Variants in NIBAN1 observed in about 807,000 individuals in gnomAD.
The protein encoded by NIBAN1 is protein Niban 1.
Under a neutral mutation model 75.1 loss-of-function variants are expected in NIBAN1, and 81 were observed. That is an observed-to-expected ratio of 1.08 (90% CI 0.90 to 1.30). The LOEUF (loss-of-function observed/expected upper bound fraction) is 1.30. Among genes scored for constraint, NIBAN1 ranks in the 50% most tolerant of loss-of-function variants. The probability of loss-of-function intolerance (pLI) is 0.00; values close to 1 mark genes in which losing one functional copy is unlikely to be tolerated. For synonymous variants in NIBAN1, 436 were observed against 424.8 expected, an observed-to-expected ratio of 1.03 and a Z score of -0.32; for missense variants, 1,133 against 1,128.1, an observed-to-expected ratio of 1.00 and a Z score of -0.06.
intron 5 of NIBAN1, among the ~76,000 whole-genome samples, chr1:184,858,274 A>C (rs931453417): frequency 1.3e-5 from 2 of 152,158 alleles, no homozygotes; most frequent in African/African-American, 4.8e-5. Context: ...AATGACAATG[A>C]AAAGATATAA....
chr1:184,912,367 G>T (rs1003281141), intron 1 of NIBAN1, among the ~76,000 whole-genome samples: 5 of 152,120 alleles, frequency 3.3e-5, no homozygotes, highest in Non-Finnish European at 7.4e-5. Flanking sequence ...TCTACTGCGT[G>T]TGTTAAGAAT....
At chr1:184,833,677 G>C (rs1301628941) in intron 5 of NIBAN1, among the ~76,000 whole-genome samples, 1 of 151,924 alleles carries the variant, frequency 6.6e-6, no homozygotes, top group Non-Finnish European at 1.5e-5. Flanking sequence ...ACCCTATCCA[G>C]GGCAATAGAG....
At chr1:184,933,680 CCAT>C (rs1657882798) in intron 1 of NIBAN1, among the ~76,000 whole-genome samples, 1 of 152,202 alleles carries the variant, frequency 6.6e-6, no homozygotes, top group Non-Finnish European at 1.5e-5. Context: ...GCGGCTATTT[CCAT>C]CAATATTACA....
At position 184,828,480 on chromosome 1, in the gene NIBAN1, C is replaced by T. The variant is rs116399353; in HGVS notation, c.717+3367G>A. On this transcript the variant is annotated intron_variant, in intron 6 of 13. Transcript: ENST00000367511. ...TTCTTTAACCACTTGGTAGCTTCTC[C>T]GGGCCCCTGGCCTCTTTTTTCTATG... is the stretch of plus-strand genomic sequence containing the variant. 8.4e-3 allele frequency among the ~76,000 whole-genome samples: 1,279 copies of T among 152,308 alleles called. 11 individuals are homozygous for T. Among genetic ancestry groups the T allele is most frequent in the Middle Eastern group, 0.027 (8 of 294 alleles).
chr1:184,803,982 G>T (rs1015026496), intron 11 of NIBAN1, among the ~76,000 whole-genome samples: 4 of 152,152 alleles, frequency 2.6e-5, no homozygotes, highest in Non-Finnish European at 5.9e-5. Context: ...AGAACTGGGG[G>T]GTGAGTTTGT....
chr1:184,838,967 T>C (rs1379308166), intron 5 of NIBAN1, among the ~76,000 whole-genome samples: 1 of 152,182 alleles, frequency 6.6e-6, no homozygotes, highest in Admixed American at 6.5e-5. Flanking sequence ...TTGCTTCAGG[T>C]CAGATGTCAT....
intron 9 of NIBAN1, among the ~76,000 whole-genome samples, chr1:184,813,751 T>G (rs1654448250): frequency 6.6e-6 from 1 of 152,250 alleles, no homozygotes; most frequent in Admixed American, 6.5e-5. Flanking sequence ...AGGTGCTTCA[T>G]AAGCTGCCAC....
chr1:184,814,137 G>T (rs539828380), intron 9 of NIBAN1, among the ~76,000 whole-genome samples: 79 of 152,250 alleles, frequency 5.2e-4, no homozygotes, highest in African/African-American at 1.9e-3. Flanking sequence ...GTTGTGGAAG[G>T]TTTATAAAAA....
At chr1:184,809,031 A>T (rs1654289936) in intron 9 of NIBAN1, among the ~76,000 whole-genome samples, 1 of 152,240 alleles carries the variant, frequency 6.6e-6, no homozygotes, top group Non-Finnish European at 1.5e-5. Flanking sequence ...GGAGCAGAAG[A>T]AGGCAGAAAG....
At chr1:184,956,728 T>A (rs1411330135) in intron 1 of NIBAN1, among the ~76,000 whole-genome samples, 1 of 152,212 alleles carries the variant, frequency 6.6e-6, no homozygotes, top group East Asian at 1.9e-4. Flanking sequence ...TTTTTTCATT[T>A]AAAAATGTTA....
chr1:184,917,417 T>C (rs1657418871), intron 1 of NIBAN1, among the ~76,000 whole-genome samples: 1 of 148,142 alleles, frequency 6.8e-6, no homozygotes, highest in Non-Finnish European at 1.5e-5. Context: ...TTTCACCATG[T>C]TAGCCAGGAA....
At chr1:184,851,978 C>T (rs868510681) in intron 5 of NIBAN1, among the ~76,000 whole-genome samples, 10 of 151,970 alleles carry the variant, frequency 6.6e-5, no homozygotes, top group Middle Eastern at 3.4e-3. Flanking sequence ...AAGCCCAGCA[C>T]GCGCCACAGT....
At chr1:184,866,549 T>C (rs764244059) in intron 5 of NIBAN1, among the ~76,000 whole-genome samples, 10 of 152,210 alleles carry the variant, frequency 6.6e-5, no homozygotes, top group Non-Finnish European at 1.3e-4. Context: ...TATAATAATA[T>C]TTCAATTTCA....
rs1207535466 is a variant in NIBAN1 at position 184,795,942 on chromosome 1, C to G, written c.1822G>C (p.Val608Leu). 7 of 1,614,204 alleles carry G rather than the reference C, an allele frequency of 4.3e-6. No homozygotes were observed. The highest frequency in any genetic ancestry group is 5.9e-6 in the Non-Finnish European group (7 of 1,180,024). Reference sequence around the variant, plus strand: ...TTACTGAGGGTCTCACTACCCAGAACTCCTGGCAGAATGGCAGAAGCTCTC... The same window carrying G: ...TTACTGAGGGTCTCACTACCCAGAAGTCCTGGCAGAATGGCAGAAGCTCTC... ...ARRASAILPG[V>L]LGSETLSNEV... The change falls in exon 14 of 14, where the codon GTT (valine) becomes CTT (leucine). Residue 608 changes from valine to leucine, a missense_variant. By Grantham distance (32) the Val-to-Leu change is conservative (BLOSUM62 1). Coordinates refer to ENST00000367511, the MANE Select transcript of NIBAN1 (RefSeq NM_052966.4).
chr1:184,886,734 G>A (rs1557900878), intron 4 of NIBAN1, among the ~76,000 whole-genome samples: 1 of 152,184 alleles, frequency 6.6e-6, no homozygotes, highest in Non-Finnish European at 1.5e-5. Flanking sequence ...CTCAGGGAAA[G>A]GTAAGGAAGA....
At chr1:184,894,533 T>A (rs1438564450) in intron 2 of NIBAN1, among the ~76,000 whole-genome samples, 1 of 152,248 alleles carries the variant, frequency 6.6e-6, no homozygotes, top group Non-Finnish European at 1.5e-5. Flanking sequence ...TGATAAACTC[T>A]ATGGGAGAGA....
At chr1:184,906,105 G>A (rs986669052) in intron 1 of NIBAN1, among the ~76,000 whole-genome samples, 9 of 151,552 alleles carry the variant, frequency 5.9e-5, no homozygotes, top group African/African-American at 1.7e-4. Flanking sequence ...GCCAAGTGTG[G>A]TGATGCACAC....
chr1:184,841,433 C>T (rs972792155), intron 5 of NIBAN1, among the ~76,000 whole-genome samples: 3 of 152,210 alleles, frequency 2.0e-5, no homozygotes, highest in Admixed American at 6.5e-5. Context: ...CCTCTGAGCT[C>T]ATCATTCCAT....
chr1:184,942,663 C>T (rs189805296), intron 1 of NIBAN1, among the ~76,000 whole-genome samples: 1 of 146,526 alleles, frequency 6.8e-6, no homozygotes, highest in Non-Finnish European at 1.5e-5. Flanking sequence ...CACTGCACTC[C>T]GGCCTGGGCG....
Sources: allele counts gnomAD v4.1 joint callset (sites outside exome capture counted in the v4.1 genomes callset), GRCh38; gene constraint gnomAD v4.1.1; transcripts MANE v1.5; gene names NCBI Gene and HGNC (gene_info 2026-07-23, HGNC 2026-07-21).